Variants in CRAMP1 observed in about 807,000 individuals in gnomAD.
The protein encoded by CRAMP1 is cramped chromatin regulator 1, also known as protein cramped-like.
Under a neutral mutation model 115.4 loss-of-function variants are expected in CRAMP1, and 50 were observed. That is an observed-to-expected ratio of 0.43 (90% CI 0.35 to 0.55). The LOEUF (loss-of-function observed/expected upper bound fraction) is 0.55. CRAMP1 is among the 20% of genes least tolerant of loss of function. The pLI is 0.01. For missense variants in CRAMP1, 1,679 were observed against 1,721.7 expected, an observed-to-expected ratio of 0.98 and a Z score of 0.44; for synonymous variants, 866 against 745.4, an observed-to-expected ratio of 1.16 and a Z score of -2.64.
intron 6 of CRAMP1, among the ~76,000 whole-genome samples, chr16:1,646,157 G>C (rs74479429): frequency 0.041 from 6,258 of 152,236 alleles, 362 homozygotes; most frequent in Admixed American, 0.14. Flanking sequence ...ATGCTGCACT[G>C]TGTTATCCCT....
chr16:1,627,095 C>T (rs2036514207), intron 3 of CRAMP1, among the ~76,000 whole-genome samples: 1 of 152,054 alleles, frequency 6.6e-6, no homozygotes, highest in South Asian at 2.1e-4. Context: ...ATACTTTAGA[C>T]TGCTTCTTTG....
In CRAMP1 at chr16:1,671,401, A is replaced by G. The variant is rs2036921070; in HGVS notation, c.3645+592A>G. Among the ~76,000 whole-genome samples the G allele has an allele frequency of 6.6e-6, 1 of 152,150 alleles. No homozygotes were observed. The highest frequency in any genetic ancestry group is 2.4e-5 in the African/African-American group (1 of 41,422). ...TTTGTGACTCTCCACTTTTGACGAG[A>G]TGCAGCGTCCCTCTTTGTTGGCCAG... On this transcript the variant is annotated intron_variant, in intron 20 of 20. Coordinates refer to ENST00000397412, the MANE Select transcript of CRAMP1 (RefSeq NM_020825.4). This position sits in a 1 kb window ranked among gnomAD's most constrained non-coding sequence, Gnocchi z 5.0.
intron 2 of CRAMP1, among the ~76,000 whole-genome samples, chr16:1,624,773 G>A (rs1042683235): frequency 6.6e-6 from 1 of 152,088 alleles, no homozygotes; most frequent in Non-Finnish European, 1.5e-5. Context: ...TAGTAGAGAC[G>A]GGGTTTCACA....
chr16:1,639,859 G>T (rs531125100), intron 5 of CRAMP1, among the ~76,000 whole-genome samples: 1 of 152,224 alleles, frequency 6.6e-6, no homozygotes, highest in African/African-American at 2.4e-5. Flanking sequence ...GGAAGTCAGC[G>T]TGAATTGGCC....
Position 1,646,263 on chromosome 16 carries a change from C to T in CRAMP1, c.827+5076C>T, listed in dbSNP as rs915860658. 5.3e-5 allele frequency among the ~76,000 whole-genome samples: 8 copies of T among 152,142 alleles called. No individual in the cohort carries two copies. The South Asian group carries it at 6.2e-4, about 12-fold the overall frequency. On this transcript the variant is annotated intron_variant, in intron 6 of 20. Transcript: ENST00000397412. The stretch of plus-strand genomic sequence containing the variant: ...CAGGTTTTTGTGTGAGCGTGGTTTT[C>T]GGTCCCCAGGAGGAGGAGGAGGTGG...
chr16:1,645,708 G>T (rs1480210380), intron 6 of CRAMP1, among the ~76,000 whole-genome samples: 1 of 152,070 alleles, frequency 6.6e-6, no homozygotes, highest in Non-Finnish European at 1.5e-5. Flanking sequence ...GAAGCCACTG[G>T]TCTCACTCTC....
intron 5 of CRAMP1, among the ~76,000 whole-genome samples, chr16:1,638,682 C>T (rs114062633): frequency 0.011 from 1,631 of 152,256 alleles, 46 homozygotes; most frequent in African/African-American, 0.038. Context: ...GGATCCCCCC[C>T]TCTTCAGTGG....
chr16:1,641,280 C>T, intron 6 of CRAMP1, 93 bp downstream of exon 6: 2 of 929,382 alleles, frequency 2.2e-6, no homozygotes, highest in East Asian at 2.4e-5. Context: ...CAGTGAGGAC[C>T]TTCCGAGTTA....
At chr16:1,651,917 T>G in intron 6 of CRAMP1, among the ~76,000 whole-genome samples, 2 of 141,892 alleles carry the variant, frequency 1.4e-5, no homozygotes, top group Admixed American at 7.0e-5. Flanking sequence ...CACGGGGAGG[T>G]GAACTGAGGT....
chr16:1,639,068 A>G (rs2036611396), intron 5 of CRAMP1, among the ~76,000 whole-genome samples: 1 of 151,652 alleles, frequency 6.6e-6, no homozygotes, highest in African/African-American at 2.4e-5. Flanking sequence ...CCCAGGCCCC[A>G]AGGAGTTTAC....
rs1490157045 is a variant in CRAMP1 at position 1,669,030 on chromosome 16, C to A, written c.3364C>A (p.Leu1122Met). The A allele has an allele frequency of 6.2e-7, 1 of 1,613,502 alleles. No individual in the cohort carries two copies. Among genetic ancestry groups the A allele is most frequent in the Admixed American group, 1.7e-5 (1 of 59,968 alleles). ...GEGVPLSPAK[L>M]NGSDSSKSLP... ...AGGAGTCCCTCTTTCTCCAGCAAAA[C>A]TGAATGGCAGTGACAGTTCCAAGAG... Residue 1122 changes from leucine (L) to methionine (M), a missense_variant, in exon 19 of 21, where the codon CTG becomes ATG. Around this residue, in one of 8 missense-constraint regions of CRAMP1, gnomAD observed 709 missense variants for 741.9 expected, o/e 0.96. Transcript: ENST00000397412. This position sits in a 1 kb window ranked among gnomAD's most constrained non-coding sequence, Gnocchi z 4.6.
chr16:1,656,294 C>T lies in CRAMP1; in HGVS notation c.1537C>T (p.Pro513Ser), dbSNP rs562736193. The change falls in exon 10 of 21, where the codon CCT becomes TCT. Residue 513 changes from proline to serine, a missense_variant. Coordinates refer to ENST00000397412, the MANE Select transcript of CRAMP1 (RefSeq NM_020825.4). This position sits in a 1 kb window ranked among gnomAD's most constrained non-coding sequence, Gnocchi z 5.6. The stretch of plus-strand genomic sequence containing the variant: ...CAGCCCGGACGCTCCTGACAGGCCT[C>T]CTCCCAGGCACCAGGACACTGGGCC... ...LSSPDAPDRP[P>S]PRHQDTGPCL... is the part of the protein sequence containing the mutation. The T allele has an allele frequency of 8.1e-6, 13 of 1,612,022 alleles. No homozygotes were observed. The highest frequency in any genetic ancestry group is 7.7e-5 in the South Asian group (7 of 91,022).
rs1345893236 is a variant in CRAMP1 at position 1,612,644 on chromosome 16, C to G, written c.-15C>G. 6.6e-6 allele frequency among the ~76,000 whole-genome samples: 1 copy of G among 151,822 alleles called. No homozygotes were observed. Among genetic ancestry groups the G allele is most frequent in the Non-Finnish European group, 1.5e-5 (1 of 67,908 alleles). On this transcript the variant is annotated 5_prime_UTR_variant, in exon 1 of 21. Transcript: ENST00000397412. ...CCCGGGAAGCCAGGCTGCCGCCCGG[C>G]GTTGATGAAAAAGGTGACCAAGGCT...
intron 13 of CRAMP1, among the ~76,000 whole-genome samples, chr16:1,663,664 C>T (rs2036851077): frequency 6.6e-6 from 1 of 152,184 alleles, no homozygotes; most frequent in Non-Finnish European, 1.5e-5. Context: ...CGACGACCAT[C>T]ACCATGGTCT....
intron 19 of CRAMP1, 104 bp from the exon 20 acceptor site, chr16:1,670,560 G>A (rs1305121684): frequency 3.9e-6 from 5 of 1,282,596 alleles, no homozygotes; most frequent in Non-Finnish European, 5.5e-6. Flanking sequence ...GCCGGGGCCG[G>A]GGCTAGGGCT....
chr16:1,665,129 TC>T lies in CRAMP1; in HGVS notation c.2745del (p.Val916Ter). 1 of 1,610,180 alleles carries T rather than the reference TC, an allele frequency of 6.2e-7. No individual in the cohort carries two copies. Among genetic ancestry groups the T allele is most frequent in the Non-Finnish European group, 8.5e-7 (1 of 1,176,412 alleles). On this transcript the variant is annotated frameshift_variant, in exon 14 of 21. Transcript: ENST00000397412. LOFTEE classifies it high-confidence loss of function. ...TTCCTTCTCCATCCTGTCTAACTCTTCCGTAACTGGTAAGGACCCTGAGCTT... is the reference window on the plus strand; with the variant it reads ...TTCCTTCTCCATCCTGTCTAACTCTTCGTAACTGGTAAGGACCCTGAGCTT... ...VCSFSILSNS[S>X]VTGRGSFRPI...
chr16:1,616,369 C>G (rs1340370318), intron 2 of CRAMP1, among the ~76,000 whole-genome samples: 1 of 152,198 alleles, frequency 6.6e-6, no homozygotes, highest in Admixed American at 6.5e-5. Context: ...TTGCTCTGCC[C>G]CTTCACCCTC....
Position 1,676,255 on chromosome 16 carries a change from A to C in CRAMP1, c.*2210A>C, listed in dbSNP as rs749103045. ...CAGCGTAGACTCCTGGGAGCAGCCA[A>C]CTGCAGCCATTGCCATCCAGTGGGG... On this transcript the variant is annotated 3_prime_UTR_variant, in exon 21 of 21. Transcript: ENST00000397412. 1 of 152,310 alleles carries C rather than the reference A, an allele frequency of 6.6e-6. No homozygotes were observed. The highest frequency in any genetic ancestry group is 1.5e-5 in the Non-Finnish European group (1 of 68,056). The allele number at this position is 152,310 out of a possible 1,614,324, so 9.4% of individuals were successfully genotyped here. A position where few individuals can be genotyped will look rare whatever the true frequency, so the allele number is the denominator to read the frequency against.
intron 8 of CRAMP1, among the ~76,000 whole-genome samples, chr16:1,654,988 G>A (rs1303367245): frequency 6.6e-6 from 1 of 152,250 alleles, no homozygotes; most frequent in East Asian, 1.9e-4. Context: ...GAATACTTGG[G>A]ATCTCTGTGT....
Sources: gnomAD v4.1 joint callset for allele counts (sites outside exome capture counted in the v4.1 genomes callset) on GRCh38, gnomAD v4.1.1 for gene constraint, gnomAD v4.1.1 regional missense constraint, Gnocchi (gnomAD v3.1) non-coding constraint, MANE v1.5 for transcripts, NCBI Gene and HGNC (gene_info 2026-07-23, HGNC 2026-07-21) for gene names.